STARD6: variants seen among roughly 807,000 people sequenced by gnomAD.
The protein encoded by STARD6 is StAR related lipid transfer domain containing 6, also known as stAR-related lipid transfer protein 6.
A neutral mutation model predicts 22.3 loss-of-function variants in STARD6; 21 were observed. That is an observed-to-expected ratio of 0.94 (90% CI 0.67 to 1.35). STARD6 has a LOEUF of 1.35. STARD6 is among the 40% of genes most tolerant of loss of function. The probability of loss-of-function intolerance (pLI) is 0.00; values close to 1 mark genes in which losing one functional copy is unlikely to be tolerated. For missense variants in STARD6, 269 were observed against 266.9 expected (o/e 1.01, Z -0.05); for synonymous variants, 80 against 88.1 (o/e 0.91, Z 0.52).
chr18:54,336,432 C>A (rs778331611), intron 5 of STARD6, among the ~76,000 whole-genome samples: 3 of 152,176 alleles, frequency 2.0e-5, no homozygotes, highest in Non-Finnish European at 4.4e-5. Context: ...CCTTTGCCTT[C>A]TACCATGATT....
intron 7 of STARD6, among the ~76,000 whole-genome samples, chr18:54,326,296 A>C (rs1490579355): frequency 4.0e-5 from 6 of 151,228 alleles, no homozygotes; most frequent in Non-Finnish European, 3.0e-5. Context: ...GTAAAACTTA[A>C]GGATCTAATT....
intron 4 of STARD6, among the ~76,000 whole-genome samples, 163 bp from the exon 5 acceptor site, chr18:54,337,414 A>T (rs1308844919): frequency 1.3e-5 from 2 of 152,256 alleles, no homozygotes; most frequent in Non-Finnish European, 2.9e-5. Context: ...AATTGGAAGT[A>T]GCAAGGTTTA....
At chr18:54,325,593 G>C (rs889434465) in intron 7 of STARD6, among the ~76,000 whole-genome samples, 10 of 151,806 alleles carry the variant, frequency 6.6e-5, no homozygotes, top group African/African-American at 2.2e-4. Context: ...TGTTGCCCAG[G>C]CTGGAGTGCA....
chr18:54,352,323 T>C (rs1229358013), intron 4 of STARD6, among the ~76,000 whole-genome samples: 1 of 152,218 alleles, frequency 6.6e-6, no homozygotes, highest in Non-Finnish European at 1.5e-5. Flanking sequence ...TTGAGTTTAT[T>C]TGGATCTTCT....
chr18:54,352,769 A>G (rs1403105337), intron 4 of STARD6, among the ~76,000 whole-genome samples: 1 of 152,194 alleles, frequency 6.6e-6, no homozygotes, highest in African/African-American at 2.4e-5. Context: ...GCTTAACAGA[A>G]CCTATTCTTT....
chr18:54,344,603 A>AAAG (rs1161559224), intron 4 of STARD6, among the ~76,000 whole-genome samples: 1 of 148,560 alleles, frequency 6.7e-6, no homozygotes, highest in African/African-American at 2.5e-5. Flanking sequence ...AAAAAAAAAG[A>AAAG]AAATAAAACT....
At chr18:54,342,026 G>A (rs1321570576) in intron 4 of STARD6, among the ~76,000 whole-genome samples, 6 of 152,056 alleles carry the variant, frequency 3.9e-5, no homozygotes, top group African/African-American at 1.4e-4. Flanking sequence ...TTAGCTAGAT[G>A]TACGCAAAAA....
chr18:54,332,364 T>C (rs572660109), intron 5 of STARD6, among the ~76,000 whole-genome samples: 14 of 152,344 alleles, frequency 9.2e-5, no homozygotes, highest in Admixed American at 2.6e-4. Flanking sequence ...TCCCTCTTCA[T>C]TCCTGCAGAT....
At chr18:54,347,123 A>G (rs1359288998) in intron 4 of STARD6, among the ~76,000 whole-genome samples, 1 of 152,146 alleles carries the variant, frequency 6.6e-6, no homozygotes, top group Non-Finnish European at 1.5e-5. Flanking sequence ...GAATTAGAGA[A>G]TGACATTAAA....
At chr18:54,356,672 T>G (rs2144703090) in intron 1 of STARD6, among the ~76,000 whole-genome samples, 1 of 152,276 alleles carries the variant, frequency 6.6e-6, no homozygotes, top group African/African-American at 2.4e-5. Context: ...AGGAACTCAG[T>G]TTAAAAAGAC....
At chr18:54,350,400 A>T (rs1461481847) in intron 4 of STARD6, among the ~76,000 whole-genome samples, 1 of 152,036 alleles carries the variant, frequency 6.6e-6, no homozygotes, top group African/African-American at 2.4e-5. Context: ...CTGCATGCAT[A>T]GTTTGTGAAT....
At chr18:54,333,023 C>T (rs957856723) in intron 5 of STARD6, among the ~76,000 whole-genome samples, 6 of 152,104 alleles carry the variant, frequency 3.9e-5, no homozygotes, top group East Asian at 1.9e-4. Flanking sequence ...AGACCAGGTA[C>T]GAGTCCTGGT....
rs1415291669 is a variant in STARD6 at position 54,331,823 on chromosome 18, CA to C, written c.303del (p.Phe101LeufsTer14). The C allele has an allele frequency of 1.9e-6, 3 of 1,612,912 alleles. No homozygotes were observed. The African/African-American group carries it at 4.0e-5, about 22-fold the overall frequency. ...TFICHTITQSFAVGSISPRDF... is the reference protein window; with the variant it reads ...TFICHTITQSXAVGSISPRDF... ...TCTCGAGGGGAAATGGAGCCCACGG[CA>C]AAACTTTGTGTAATGGTATGACATA... On this transcript the variant is annotated frameshift_variant, in exon 6 of 8. Coordinates refer to ENST00000307844, the MANE Select transcript of STARD6 (RefSeq NM_139171.2).
At chr18:54,337,403 C>G in intron 4 of STARD6, 152 bp from the exon 5 acceptor site, 5 of 599,794 alleles carry the variant, frequency 8.3e-6, no homozygotes, top group Middle Eastern at 4.6e-4. Flanking sequence ...TATTAATATT[C>G]AATTGGAAGT....
chr18:54,342,694 C>T (rs1472399867), intron 4 of STARD6, among the ~76,000 whole-genome samples: 1 of 97,360 alleles, frequency 1.0e-5, no homozygotes, highest in Non-Finnish European at 2.0e-5. Flanking sequence ...AGCCCCTAAC[C>T]GCGAGTGATC....
At chr18:54,334,064 A>T (rs2088888547) in intron 5 of STARD6, among the ~76,000 whole-genome samples, 2 of 152,218 alleles carry the variant, frequency 1.3e-5, no homozygotes, top group African/African-American at 4.8e-5. Flanking sequence ...TTAAGTATGT[A>T]GTTCAATGAA....
Position 54,324,720 on chromosome 18 carries a change from C to T in STARD6, c.635G>A (p.Arg212His), listed in dbSNP as rs147831274. The change falls in exon 8 of 8, where the codon CGT (arginine) becomes CAT (histidine). Residue 212 changes from arginine (R) to histidine (H), a missense_variant. Transcript: ENST00000307844. ...GIKAHRTPSRRGFHHNSHS is the reference protein window; with the variant it reads ...GIKAHRTPSRHGFHHNSHS Reference sequence around the variant, plus strand: ...TGAATGACTATTATGATGAAATCCACGTCTTGATGGAGTTCTGTGTGCCTT... The same window carrying T: ...TGAATGACTATTATGATGAAATCCATGTCTTGATGGAGTTCTGTGTGCCTT... 3.1e-3 allele frequency: 4,979 copies of T among 1,613,074 alleles called. 15 individuals carry two copies. Among genetic ancestry groups the T allele is most frequent in the Non-Finnish European group, 3.7e-3 (4,388 of 1,179,524 alleles).
chr18:54,326,544 C>A (rs889014452), intron 7 of STARD6, among the ~76,000 whole-genome samples: 39 of 151,086 alleles, frequency 2.6e-4, no homozygotes, highest in African/African-American at 9.0e-4. Flanking sequence ...GTTGGCCAGG[C>A]TGATCTCGAA....
At chr18:54,326,578 C>G (rs1010283088) in intron 7 of STARD6, among the ~76,000 whole-genome samples, 1 of 150,840 alleles carries the variant, frequency 6.6e-6, no homozygotes, top group Admixed American at 6.6e-5. Context: ...GTGATCCACC[C>G]GCCTCAGCCT....
Sources: allele counts gnomAD v4.1 joint callset (sites outside exome capture counted in the v4.1 genomes callset), GRCh38; gene constraint gnomAD v4.1.1; transcripts MANE v1.5; gene names NCBI Gene and HGNC (gene_info 2026-07-23, HGNC 2026-07-21).